LRMDA: variants seen among roughly 807,000 people sequenced by gnomAD.
LRMDA encodes leucine rich melanocyte differentiation associated, also known as leucine-rich melanocyte differentiation-associated protein.
A neutral mutation model predicts 29.8 loss-of-function variants in LRMDA; 18 were observed. That is an observed-to-expected ratio of 0.60 (90% confidence interval 0.42 to 0.90). LRMDA has a LOEUF of 0.90. Among genes scored for constraint, LRMDA ranks in the 40% least tolerant of loss-of-function variants. LRMDA has a pLI of 0.00. For synonymous variants in LRMDA, 125 were observed against 109.4 expected (o/e 1.14, Z -0.89); for missense variants, 273 against 273.9 (o/e 1.00, Z 0.02).
intron 2 of LRMDA, among the ~76,000 whole-genome samples, chr10:75,798,119 CA>C (rs144710035): frequency 0.16 from 24,495 of 151,754 alleles, 2,149 homozygotes; most frequent in Admixed American, 0.22. Flanking sequence ...ATCTTTTTTT[CA>C]AAAAACATTC....
chr10:75,552,287 T>C (rs1479947108), intron 2 of LRMDA, among the ~76,000 whole-genome samples: 9 of 152,166 alleles, frequency 5.9e-5, no homozygotes, highest in Non-Finnish European at 1.2e-4. Flanking sequence ...TAGCAGATAC[T>C]TTCACTTGTA....
intron 2 of LRMDA, among the ~76,000 whole-genome samples, chr10:75,439,780 T>C (rs1211287505): frequency 1.3e-5 from 2 of 152,188 alleles, no homozygotes; most frequent in Non-Finnish European, 2.9e-5. Context: ...AATAAATACA[T>C]GCTGACTCTA....
chr10:75,843,029 GTAAGTAAA>G (rs1844568757), intron 2 of LRMDA, among the ~76,000 whole-genome samples: 1 of 152,092 alleles, frequency 6.6e-6, no homozygotes, highest in Non-Finnish European at 1.5e-5. Context: ...TCTAAAATAC[GTAAGTAAA>G]TAAGTAAATG....
At chr10:75,716,104 A>G (rs966032845) in intron 2 of LRMDA, among the ~76,000 whole-genome samples, 6 of 152,244 alleles carry the variant, frequency 3.9e-5, no homozygotes, top group African/African-American at 1.4e-4. Flanking sequence ...CAACCAGAGC[A>G]GCTCCACTTT....
chr10:75,761,425 A>G (rs1427214603), intron 2 of LRMDA, among the ~76,000 whole-genome samples: 1 of 152,266 alleles, frequency 6.6e-6, no homozygotes, highest in Non-Finnish European at 1.5e-5. Flanking sequence ...AGTGAAATAA[A>G]CCAGTCACAG....
chr10:75,598,731 T>C (rs553958720), intron 2 of LRMDA, among the ~76,000 whole-genome samples: 3 of 152,298 alleles, frequency 2.0e-5, no homozygotes, highest in South Asian at 4.2e-4. Context: ...TCCGCGGTCT[T>C]TCTTACGCAT....
At chr10:76,224,677 T>TG (rs1264748667) in intron 5 of LRMDA, among the ~76,000 whole-genome samples, 2 of 149,966 alleles carry the variant, frequency 1.3e-5, no homozygotes, top group African/African-American at 5.0e-5. Flanking sequence ...CTTTTTTTTT[T>TG]TTTTTTTTTT....
chr10:76,330,476 TGA>T lies in LRMDA; in HGVS notation c.601+5995_601+5996del, dbSNP rs1397928981. On this transcript the variant is annotated intron_variant, in intron 6 of 6. Coordinates refer to ENST00000611255, the MANE Select transcript of LRMDA (RefSeq NM_001305581.2). ...GGTTATAGGACAGAACCCTCTGAAATGAGAGTCTTCAAAGGAGAAGAGAGAGT... is the reference window on the plus strand; with the variant it reads ...GGTTATAGGACAGAACCCTCTGAAATGAGTCTTCAAAGGAGAAGAGAGAGT... 2.0e-5 allele frequency among the ~76,000 whole-genome samples: 3 copies of T among 152,140 alleles called. No individual in the cohort carries two copies. In the East Asian group the frequency reaches 5.8e-4, roughly 29 times the overall value.
intron 6 of LRMDA, among the ~76,000 whole-genome samples, chr10:76,417,111 T>C (rs1373790831): frequency 6.6e-6 from 1 of 152,178 alleles, no homozygotes; most frequent in Non-Finnish European, 1.5e-5. Flanking sequence ...AAATTACAGA[T>C]TGCATCAACA....
At chr10:75,638,514 C>T (rs1194431521) in intron 2 of LRMDA, among the ~76,000 whole-genome samples, 5 of 152,190 alleles carry the variant, frequency 3.3e-5, no homozygotes, top group Admixed American at 3.3e-4. Flanking sequence ...TTCTCTGTCT[C>T]CTTTCTTTCT....
intron 5 of LRMDA, among the ~76,000 whole-genome samples, chr10:76,059,298 C>T (rs184245957): frequency 2.6e-5 from 4 of 152,314 alleles, no homozygotes; most frequent in African/African-American, 9.6e-5. Flanking sequence ...GCATGTGCCC[C>T]CCACATGTAT....
intron 6 of LRMDA, among the ~76,000 whole-genome samples, chr10:76,430,872 G>A (rs373799485): frequency 6.6e-5 from 10 of 152,268 alleles, no homozygotes; most frequent in Admixed American, 2.6e-4. Flanking sequence ...CAAGGCCAAA[G>A]CTTTCTGAGT....
At chr10:75,867,739 C>T (rs934918837) in intron 2 of LRMDA, among the ~76,000 whole-genome samples, 6 of 152,118 alleles carry the variant, frequency 3.9e-5, no homozygotes, top group African/African-American at 7.2e-5. Flanking sequence ...CCTGTGATTC[C>T]CCTTTCTAGG....
At chr10:75,812,429 T>G (rs1022895815) in intron 2 of LRMDA, among the ~76,000 whole-genome samples, 3 of 152,128 alleles carry the variant, frequency 2.0e-5, no homozygotes, top group African/African-American at 7.2e-5. Flanking sequence ...TATATATATT[T>G]AGAGATTTCT....
chr10:75,572,142 C>T (rs1308602599), intron 2 of LRMDA, among the ~76,000 whole-genome samples: 10 of 151,968 alleles, frequency 6.6e-5, no homozygotes, highest in South Asian at 2.1e-4. Flanking sequence ...TTAGTAGAGA[C>T]GGGGTTTCAC....
intron 2 of LRMDA, among the ~76,000 whole-genome samples, chr10:75,928,782 C>A (rs1179319610): frequency 1.3e-5 from 2 of 152,106 alleles, no homozygotes; most frequent in Non-Finnish European, 2.9e-5. Context: ...TTGGGCCCCA[C>A]TTCCTCCATG....
At chr10:75,441,848 C>T (rs1315591141) in intron 2 of LRMDA, among the ~76,000 whole-genome samples, 1 of 152,026 alleles carries the variant, frequency 6.6e-6, no homozygotes. Context: ...CTTTGCACTC[C>T]TCTAGGTTGC....
At chr10:75,969,625 C>T (rs1275367601) in intron 2 of LRMDA, among the ~76,000 whole-genome samples, 2 of 152,210 alleles carry the variant, frequency 1.3e-5, no homozygotes, top group African/African-American at 4.8e-5. Context: ...TGGTACCTTT[C>T]ATCAGTTTTG....
chr10:75,781,784 C>T (rs566938995), intron 2 of LRMDA, among the ~76,000 whole-genome samples: 29 of 152,118 alleles, frequency 1.9e-4, no homozygotes, highest in Non-Finnish European at 3.4e-4. Flanking sequence ...ACTAATTCTG[C>T]GAGGTCAATC....
Sources: allele counts gnomAD v4.1 joint callset (sites outside exome capture counted in the v4.1 genomes callset), GRCh38; gene constraint gnomAD v4.1.1; transcripts MANE v1.5; gene names NCBI Gene and HGNC (gene_info 2026-07-23, HGNC 2026-07-21).